Variants in SEMA6D observed in about 807,000 individuals in gnomAD.
SEMA6D encodes semaphorin 6D, also known as semaphorin-6D.
SEMA6D carries 35 observed loss-of-function variants against 106.6 expected under a neutral mutation model. That is an observed-to-expected ratio of 0.33 (90% CI 0.25 to 0.44). The LOEUF (loss-of-function observed/expected upper bound fraction) is 0.44, where lower values mean the gene tolerates loss of function less well. SEMA6D is among the 20% of genes least tolerant of loss of function. The pLI, the probability that SEMA6D is intolerant of heterozygous loss-of-function variation, is 1.00. For synonymous variants in SEMA6D, 499 were observed against 487.7 expected, an observed-to-expected ratio of 1.02 and a Z score of -0.31; for missense variants, 1,185 against 1,345.9, an observed-to-expected ratio of 0.88 and a Z score of 1.87.
intron 3 of SEMA6D, among the ~76,000 whole-genome samples, chr15:47,571,241 A>C (rs1167459105): frequency 6.6e-6 from 1 of 152,156 alleles, no homozygotes; most frequent in Non-Finnish European, 1.5e-5. Context: ...TTAAGAGCAT[A>C]GCTGTACTCA....
intron 1 of SEMA6D, among the ~76,000 whole-genome samples, chr15:47,354,176 CCTCT>C (rs879283418): frequency 0.026 from 2,208 of 85,266 alleles, 19 homozygotes; most frequent in South Asian, 0.049. Context: ...AATGAGAAAG[CCTCT>C]CTCTCTCTCT....
intron 3 of SEMA6D, among the ~76,000 whole-genome samples, chr15:47,506,561 C>T (rs1388987792): frequency 6.6e-6 from 1 of 150,948 alleles, no homozygotes; most frequent in African/African-American, 2.4e-5. Context: ...TTTTAGTCTT[C>T]AAGGCCTCCT....
At chr15:47,196,766 G>A (rs774684230) in intron 1 of SEMA6D, among the ~76,000 whole-genome samples, 9 of 152,166 alleles carry the variant, frequency 5.9e-5, no homozygotes, top group East Asian at 1.9e-4. Flanking sequence ...AGTTGCACAC[G>A]ATTCAAGAGA....
At chr15:47,324,957 A>AT (rs146005020) in intron 1 of SEMA6D, among the ~76,000 whole-genome samples, 6,227 of 152,104 alleles carry the variant, frequency 0.041, 204 homozygotes, top group South Asian at 0.13. Context: ...AGGTTCATTA[A>AT]TTTATTTAAA....
intron 1 of SEMA6D, among the ~76,000 whole-genome samples, chr15:47,741,753 G>C (rs1234287956): frequency 6.6e-6 from 1 of 152,112 alleles, no homozygotes; most frequent in Non-Finnish European, 1.5e-5. Context: ...AAGAAGGTTA[G>C]CAAGCAAAGT....
At chr15:47,574,620 T>C (rs1290762947) in intron 3 of SEMA6D, among the ~76,000 whole-genome samples, 1 of 152,222 alleles carries the variant, frequency 6.6e-6, no homozygotes, top group Non-Finnish European at 1.5e-5. Flanking sequence ...AAAGAACAGT[T>C]ATCTTTTGAG....
intron 1 of SEMA6D, chr15:47,273,021 A>G (rs2034627845): frequency 2.0e-5 from 3 of 152,182 alleles, no homozygotes. Flanking sequence ...AAGTTTCCAG[A>G]GCCTCCTAGG....
chr15:47,678,343 C>T (rs2078285432), intron 4 of SEMA6D, among the ~76,000 whole-genome samples: 1 of 152,034 alleles, frequency 6.6e-6, no homozygotes, highest in Non-Finnish European at 1.5e-5. Context: ...AGCAGAAGTC[C>T]CCAGTCATTG....
chr15:47,273,447 G>A (rs2034652974), intron 1 of SEMA6D, among the ~76,000 whole-genome samples: 1 of 152,130 alleles, frequency 6.6e-6, no homozygotes, highest in South Asian at 2.1e-4. Flanking sequence ...TTGAATAAAA[G>A]CTTTTGATAG....
chr15:47,571,367 T>C (rs1433841627), intron 3 of SEMA6D, among the ~76,000 whole-genome samples: 1 of 152,240 alleles, frequency 6.6e-6, no homozygotes, highest in African/African-American at 2.4e-5. Flanking sequence ...TTCAAGTGGC[T>C]GCCATGGCCA....
chr15:47,325,256 C>T (rs899498479), intron 1 of SEMA6D, among the ~76,000 whole-genome samples: 1 of 151,838 alleles, frequency 6.6e-6, no homozygotes, highest in African/African-American at 2.4e-5. Flanking sequence ...TCACTGCAAC[C>T]TCCACCTCCC....
intron 1 of SEMA6D, among the ~76,000 whole-genome samples, chr15:47,228,237 C>G (rs2031941807): frequency 6.6e-6 from 1 of 150,756 alleles, no homozygotes; most frequent in Non-Finnish European, 1.5e-5. Flanking sequence ...GTACCAGCAG[C>G]CTGGAACCAT....
intron 1 of SEMA6D, among the ~76,000 whole-genome samples, chr15:47,279,817 G>A (rs947198378): frequency 6.6e-6 from 1 of 150,670 alleles, no homozygotes; most frequent in Non-Finnish European, 1.5e-5. Context: ...CTGTTTATAT[G>A]CTGGATTACA....
In SEMA6D at chr15:47,766,177, G is replaced by A. The variant is rs750317003; in HGVS notation, c.1641G>A (p.Gly547=). Residue 547 remains glycine (G), a synonymous_variant, in exon 15 of 19, where the codon GGG becomes GGA. Transcript: ENST00000536845. The part of the protein sequence containing the change: ...SQGSCGRVTP[G]MLAEGYEQDT... ...GATCCTGTGGTAGAGTGACCCCAGG[G>A]ATGCTGTAAGTATACTTTGTCACAT... The A allele has an allele frequency of 6.2e-7, 1 of 1,612,294 alleles. No individual in the cohort carries two copies. The highest frequency in any genetic ancestry group is 1.1e-5 in the South Asian group (1 of 91,014).
At chr15:47,500,312 A>G (rs748259812) in intron 3 of SEMA6D, among the ~76,000 whole-genome samples, 1 of 64,028 alleles carries the variant, frequency 1.6e-5, no homozygotes, top group Non-Finnish European at 2.9e-5. Flanking sequence ...TATAAATGGG[A>G]AAAAAAATAT....
intron 1 of SEMA6D, among the ~76,000 whole-genome samples, chr15:47,237,195 A>G (rs1187645229): frequency 2.6e-5 from 4 of 152,174 alleles, no homozygotes; most frequent in African/African-American, 9.7e-5. Context: ...GGTCATACTT[A>G]TTTTGGACTG....
intron 4 of SEMA6D, among the ~76,000 whole-genome samples, chr15:47,684,373 A>G (rs2078425969): frequency 6.6e-6 from 1 of 152,028 alleles, no homozygotes; most frequent in Non-Finnish European, 1.5e-5. Flanking sequence ...TATATTAATT[A>G]TATATAATCA....
At chr15:47,682,970 T>C (rs571186539) in intron 4 of SEMA6D, among the ~76,000 whole-genome samples, 1 of 152,336 alleles carries the variant, frequency 6.6e-6, no homozygotes, top group South Asian at 2.1e-4. Context: ...GTTGCCTGAA[T>C]ACAGTGAGCA....
At chr15:47,231,473 T>A (rs761667609) in intron 1 of SEMA6D, among the ~76,000 whole-genome samples, 1 of 152,004 alleles carries the variant, frequency 6.6e-6, no homozygotes, top group Non-Finnish European at 1.5e-5. Context: ...GATGTATGCA[T>A]TACCTTCACT....
Sources: allele counts gnomAD v4.1 joint callset (sites outside exome capture counted in the v4.1 genomes callset), GRCh38; gene constraint gnomAD v4.1.1; transcripts MANE v1.5; gene names NCBI Gene and HGNC (gene_info 2026-07-23, HGNC 2026-07-21).